The following YARS1 variants were observed in gnomAD, a reference collection of about 807,000 sequenced individuals.
YARS1 encodes tyrosyl-tRNA synthetase 1.
A neutral mutation model predicts 62.2 loss-of-function variants in YARS1; 36 were observed. The observed-to-expected ratio is 0.58, with a 90% CI of 0.44 to 0.76. The LOEUF (loss-of-function observed/expected upper bound fraction) is 0.76. Ranked by LOEUF, YARS1 falls within the 30% of genes least tolerant of loss-of-function variation. The pLI, the probability that YARS1 is intolerant of heterozygous loss-of-function variation, is 0.00. For missense variants in YARS1, 524 were observed against 639.8 expected, an observed-to-expected ratio of 0.82 and a Z score of 1.95; for synonymous variants, 234 against 244.9, an observed-to-expected ratio of 0.96 and a Z score of 0.42.
intron 1 of YARS1, among the ~76,000 whole-genome samples, chr1:32,812,969 C>CAAAAA (rs371599312): frequency 1.1e-5 from 1 of 90,026 alleles, no homozygotes; most frequent in Non-Finnish European, 2.3e-5. Context: ...ACTCTGTCTC[C>CAAAAA]AAAAAAAAAA....
At chr1:32,787,380 G>A (rs1653264960) in intron 6 of YARS1, among the ~76,000 whole-genome samples, 2 of 152,064 alleles carry the variant, frequency 1.3e-5, no homozygotes, top group African/African-American at 4.8e-5. Context: ...TCCTGCCTTG[G>A]CCTCCCAAAA....
intron 4 of YARS1, among the ~76,000 whole-genome samples, chr1:32,801,664 T>C (rs1638297867): frequency 6.6e-6 from 1 of 152,348 alleles, no homozygotes; most frequent in South Asian, 2.1e-4. Flanking sequence ...TGCTGTTTGA[T>C]AGCATTCTGT....
intron 12 of YARS1, among the ~76,000 whole-genome samples, chr1:32,777,600 G>A (rs187827279): frequency 1.3e-5 from 2 of 152,168 alleles, no homozygotes; most frequent in Non-Finnish European, 1.5e-5. Context: ...GACAGAGCAA[G>A]ACTCCATCTT....
Position 32,786,369 on chromosome 1 carries a change from G to C in YARS1, c.899C>G (p.Ala300Gly). Reference protein sequence around the residue: ...TAYVDLEKDFAAEVVHPGDLK... With the variant: ...TAYVDLEKDFGAEVVHPGDLK... ...CTTTTCCTTTCATGTTACCTCAGCA[G>C]CAAAGTCCTTTTCCAGGTCCACGTA... is the stretch of plus-strand genomic sequence containing the variant. Residue 300 changes from alanine (A) to glycine (G), a missense_variant, in exon 8 of 13, where the codon GCT becomes GGT. Transcript: ENST00000373477. The C allele has an allele frequency of 6.2e-7, 1 of 1,613,904 alleles. No homozygotes were observed. Among genetic ancestry groups the C allele is most frequent in the Non-Finnish European group, 8.5e-7 (1 of 1,179,934 alleles).
At position 32,817,347 on chromosome 1, in the gene YARS1, G is replaced by A. The variant is rs1569797406; in HGVS notation, c.-103C>T. 1 of 1,485,436 alleles carries A rather than the reference G, an allele frequency of 6.7e-7. No homozygotes were observed. The highest frequency in any genetic ancestry group is 2.3e-5 in the East Asian group (1 of 44,024). The allele number at this position is 1,485,436 out of a possible 1,614,324, so 92.0% of individuals were successfully genotyped here. On this transcript the variant is annotated 5_prime_UTR_variant, in exon 1 of 13. Coordinates refer to ENST00000373477, the MANE Select transcript of YARS1 (RefSeq NM_003680.4). ...GGAACTGTCACGCGAGTCCAGCCAG[G>A]TTGCATCAGCTGGGCTCGGCGCTCC...
intron 1 of YARS1, chr1:32,816,821 G>A (rs1638753202): frequency 7.7e-6 from 3 of 391,738 alleles, no homozygotes; most frequent in Non-Finnish European, 9.6e-6. Context: ...TACTTGAACC[G>A]TAATGGGTCA....
At chr1:32,799,557 A>G (rs1267204718) in intron 4 of YARS1, among the ~76,000 whole-genome samples, 1 of 152,224 alleles carries the variant, frequency 6.6e-6, no homozygotes, top group Non-Finnish European at 1.5e-5. Flanking sequence ...GATTTAGTGC[A>G]TAATTGGCTG....
At chr1:32,804,336 C>A (rs1311656149) in intron 4 of YARS1, among the ~76,000 whole-genome samples, 1 of 150,346 alleles carries the variant, frequency 6.7e-6, no homozygotes, top group Non-Finnish European at 1.5e-5. Context: ...CACCCCCAAC[C>A]TCCCTCCCGG....
chr1:32,790,642 T>TG (rs993015314), intron 6 of YARS1: 1 of 155,698 alleles, frequency 6.4e-6, no homozygotes, highest in Non-Finnish European at 1.4e-5. Flanking sequence ...ACACTTTTTT[T>TG]TTTTTTTTTA....
At chr1:32,812,174 G>A (rs1638598714) in intron 1 of YARS1, among the ~76,000 whole-genome samples, 1 of 152,092 alleles carries the variant, frequency 6.6e-6, no homozygotes. Context: ...GCACATGTAT[G>A]CCTGGCTAGT....
chr1:32,797,504 G>A (rs960655802), intron 5 of YARS1: 2 of 548,408 alleles, frequency 3.6e-6, no homozygotes, highest in Non-Finnish European at 6.5e-6. Context: ...TCCAACAGGT[G>A]CGGGAGCAGC....
chr1:32,780,399 A>C, intron 10 of YARS1, 121 bp from the exon 11 acceptor site: 2 of 1,156,650 alleles, frequency 1.7e-6, no homozygotes, highest in South Asian at 2.5e-5. Context: ...AAGACCCCCT[A>C]GAGCTAACTT....
chr1:32,782,083 G>A (rs934804519), intron 9 of YARS1: 3 of 363,770 alleles, frequency 8.2e-6, no homozygotes, highest in Non-Finnish European at 1.6e-5. Context: ...AAGATTACAG[G>A]TGTGAGCCAC....
chr1:32,797,741 A>G, intron 5 of YARS1, 22 bp downstream of exon 5: 1 of 1,610,068 alleles, frequency 6.2e-7, no homozygotes, highest in Non-Finnish European at 8.5e-7. Flanking sequence ...AAGTGAAAAA[A>G]GACAGGAAAG....
In YARS1 at chr1:32,779,541, A is replaced by G. The variant is rs1361620632; in HGVS notation, c.1335-18T>C. ...TCCCTTCTCTGGGAAGACACAGGAC[A>G]AGAGAAGAGTGAGGCTATGGATGGG... On this transcript the variant is annotated intron_variant, in intron 11 of 12. Transcript: ENST00000373477. 6.2e-7 allele frequency: 1 copy of G among 1,614,036 alleles called. No homozygotes were observed. Among genetic ancestry groups the G allele is most frequent in the Non-Finnish European group, 8.5e-7 (1 of 1,180,026 alleles).
Position 32,797,841 on chromosome 1 carries a change from A to C in YARS1, c.513T>G (p.Ala171=). Residue 171 remains alanine, a splice_region_variant and synonymous_variant, in exon 5 of 13, where the codon GCT becomes GCG. Transcript: ENST00000373477. The part of the protein sequence containing the change: ...LSGLLYPGLQ[A]LDEEYLKVDA... The stretch of plus-strand genomic sequence containing the variant: ...CTACTTTTAAATACTCTTCATCCAA[A>C]GCCTGTGGAAAGAAACACATGAACA... 6.2e-7 allele frequency: 1 copy of C among 1,613,758 alleles called. No homozygotes were observed. Among genetic ancestry groups the C allele is most frequent in the Non-Finnish European group, 8.5e-7 (1 of 1,179,754 alleles).
chr1:32,781,398 T>G (rs1412352535), intron 9 of YARS1: 1 of 497,800 alleles, frequency 2.0e-6, no homozygotes, highest in East Asian at 3.8e-5. Flanking sequence ...CCTTTAGGTA[T>G]TTCCATTCAT....
chr1:32,775,708 C>A lies in YARS1; in HGVS notation c.*273G>T. ...ATTTTTAAATGAGTTATATTGAAACCAGATTTCTCCAGCTGCCAAGGGAAG... is the reference window on the plus strand; with the variant it reads ...ATTTTTAAATGAGTTATATTGAAACAAGATTTCTCCAGCTGCCAAGGGAAG... On this transcript the variant is annotated 3_prime_UTR_variant, in exon 13 of 13. Transcript: ENST00000373477. 1.9e-6 allele frequency: 1 copy of A among 529,374 alleles called. No homozygotes were observed. The highest frequency in any genetic ancestry group is 2.4e-5 in the South Asian group (1 of 42,162). 32.8% of individuals were successfully genotyped at this position (529,374 alleles called of 1,614,324 possible).
At position 32,801,485 on chromosome 1, in the gene YARS1, T is replaced by A. The variant is rs1488564966; in HGVS notation, c.511-3642A>T. On this transcript the variant is annotated intron_variant, in intron 4 of 12. Transcript: ENST00000373477. ...TCTGAGCCTTCAGCAAGTCATAATCTTCTTGCTGGTGGAGGGTCTTGCCTC... is the reference window on the plus strand; with the variant it reads ...TCTGAGCCTTCAGCAAGTCATAATCATCTTGCTGGTGGAGGGTCTTGCCTC... 3.3e-5 allele frequency among the ~76,000 whole-genome samples: 5 copies of A among 152,222 alleles called. No homozygotes were observed. The South Asian group carries it at 8.3e-4, about 25-fold the overall frequency.
Sources: gnomAD v4.1 joint callset for allele counts (sites outside exome capture counted in the v4.1 genomes callset) on GRCh38, gnomAD v4.1.1 for gene constraint, MANE v1.5 for transcripts, NCBI Gene and HGNC (gene_info 2026-07-23, HGNC 2026-07-21) for gene names.